PANX2: variants seen among roughly 807,000 people sequenced by gnomAD.
The protein encoded by PANX2 is pannexin-2.
Under a neutral mutation model 38.7 loss-of-function variants are expected in PANX2, and 30 were observed. The ratio of observed to expected loss-of-function variants is 0.78; its 90% CI spans 0.58 to 1.05. The LOEUF (loss-of-function observed/expected upper bound fraction) is 1.05. Among genes scored for constraint, PANX2 ranks in the 50% least tolerant of loss-of-function variants. The probability of loss-of-function intolerance (pLI) is 0.00; values close to 1 mark genes in which losing one functional copy is unlikely to be tolerated. For synonymous variants in PANX2, 539 were observed against 472.1 expected (o/e 1.14, Z -1.84); for missense variants, 880 against 979.3 (o/e 0.90, Z 1.35).
chr22:50,177,546 C>G lies in PANX2; in HGVS notation c.834C>G (p.Ser278Arg), dbSNP rs750208004. The G allele has an allele frequency of 6.2e-7, 1 of 1,611,766 alleles. No homozygotes were observed. The change falls in exon 2 of 3, where the codon AGC becomes AGG. Residue 278 changes from serine to arginine, a missense_variant. By Grantham distance (110) the Ser-to-Arg change is moderately radical. This residue lies in a region of PANX2 where 114 missense variants were observed against 108.8 expected (regional missense o/e 1.05). Coordinates refer to ENST00000395842, the MANE Select transcript of PANX2 (RefSeq NM_052839.4). ...GTGCGGGGCCCGCGGTGCGCGTGAG[C>G]TGCAAGCTCCCGTCCGTGCAACTGC... ...AAGAGPAVRV[S>R]CKLPSVQLQR...
chr22:50,176,895 C>G, intron 1 of PANX2, 44 bp from the exon 2 acceptor site: 1 of 1,477,446 alleles, frequency 6.8e-7, no homozygotes, highest in South Asian at 1.4e-5. Context: ...CAGCCCAGCC[C>G]GTGCGCCTCC....
chr22:50,177,798 C>A lies in PANX2; in HGVS notation c.1086C>A (p.Asn362Lys). ...ACCGCGACCACATCAAGTCGCTCAA[C>A]CGGCTGGACTTCATCACCAACGAGA... ...NENRDHIKSL[N>K]RLDFITNESD... Residue 362 changes from asparagine (N) to lysine (K), a missense_variant, in exon 2 of 3, where the codon AAC becomes AAA. Around this residue, in one of 4 missense-constraint regions of PANX2, gnomAD observed 78 missense variants for 133.1 expected, o/e 0.59. Transcript: ENST00000395842. 4 of 1,603,578 alleles carry A rather than the reference C, an allele frequency of 2.5e-6. No individual in the cohort carries two copies. Among genetic ancestry groups the A allele is most frequent in the Non-Finnish European group, 3.4e-6 (4 of 1,179,762 alleles).
chr22:50,179,723 A>G lies in PANX2; in HGVS notation c.*446A>G. On this transcript the variant is annotated 3_prime_UTR_variant, in exon 3 of 3. Transcript: ENST00000395842. ...GGCCAGTCCCACCAGTGGGGTGGCC[A>G]CGCCCATGGGGTCACATGCTCAGGG... 1 of 176,864 alleles carries G rather than the reference A, an allele frequency of 5.7e-6. No individual in the cohort carries two copies. The highest frequency in any genetic ancestry group is 1.2e-5 in the Non-Finnish European group (1 of 82,478). The allele number at this position is 176,864 out of a possible 1,614,324, so 11.0% of individuals were successfully genotyped here.
At chr22:50,171,592 C>G (rs2063632243) in intron 1 of PANX2, among the ~76,000 whole-genome samples, 1 of 152,130 alleles carries the variant, frequency 6.6e-6, no homozygotes, top group African/African-American at 2.4e-5. Flanking sequence ...GGGCAGGGAC[C>G]CGCGCTGGTT....
intron 1 of PANX2, among the ~76,000 whole-genome samples, chr22:50,172,162 C>G (rs962415691): frequency 6.6e-6 from 1 of 152,212 alleles, no homozygotes; most frequent in Non-Finnish European, 1.5e-5. Context: ...TGTCCAGACA[C>G]CACGTGTGTT....
intron 1 of PANX2, among the ~76,000 whole-genome samples, chr22:50,172,696 T>G (rs549643000): frequency 6.6e-6 from 1 of 151,714 alleles, no homozygotes; most frequent in African/African-American, 2.4e-5. Flanking sequence ...TGAGCCACTG[T>G]GCCCTTTTCT....
In PANX2 at chr22:50,177,564, G is replaced by A. The variant is rs770404153; in HGVS notation, c.852G>A (p.Val284=). ...GCGTGAGCTGCAAGCTCCCGTCCGT[G>A]CAACTGCAGCGCATCATCGCGGGCG... ...AVRVSCKLPS[V]QLQRIIAGVD... is the part of the protein sequence containing the mutation. Residue 284 remains valine, a synonymous_variant, in exon 2 of 3, where the codon GTG becomes GTA. Coordinates refer to ENST00000395842, the MANE Select transcript of PANX2 (RefSeq NM_052839.4). 4 of 1,612,460 alleles carry A rather than the reference G, an allele frequency of 2.5e-6. No individual in the cohort carries two copies. The Admixed American group carries it at 5.0e-5, about 20-fold the overall frequency.
chr22:50,175,760 C>T lies in PANX2; in HGVS notation c.227-1179C>T, dbSNP rs138833960. 8.4e-3 allele frequency among the ~76,000 whole-genome samples: 1,278 copies of T among 152,306 alleles called. 19 individuals carry two copies. Among genetic ancestry groups the T allele is most frequent in the South Asian group, 0.036 (174 of 4,818 alleles). On this transcript the variant is annotated intron_variant, in intron 1 of 2. Coordinates refer to ENST00000395842, the MANE Select transcript of PANX2 (RefSeq NM_052839.4). ...TGGTGATGATGGCAGCCGGGAGCTC[C>T]GTGTGGGGTCTGAGGGGCTCGTTGC...
intron 1 of PANX2, among the ~76,000 whole-genome samples, chr22:50,174,244 C>G (rs1021736383): frequency 6.6e-6 from 1 of 151,426 alleles, no homozygotes; most frequent in Admixed American, 6.6e-5. Context: ...AGGGACCCAG[C>G]TTCACCCTTG....
In PANX2 at chr22:50,177,981, C is replaced by G; in HGVS notation, c.1269C>G (p.Val423=). 3.3e-6 allele frequency: 5 copies of G among 1,536,498 alleles called. No homozygotes were observed. The highest frequency in any genetic ancestry group is 3.5e-6 in the Non-Finnish European group (4 of 1,145,808). Residue 423 remains valine (V), a synonymous_variant, in exon 2 of 3, where the codon GTC becomes GTG. Transcript: ENST00000395842. ...EPDGAAEPPV[V]KRPRKKMKWI... ...ACGGCGCCGCCGAGCCGCCCGTGGT[C>G]AAGCGGCCGCGCAAGAAGATGAAGT...
Position 50,176,948 on chromosome 22 carries a change from T to C in PANX2, c.236T>C (p.Ile79Thr), listed in dbSNP as rs778109852. 6.5e-7 allele frequency: 1 copy of C among 1,532,136 alleles called. No homozygotes were observed. The highest frequency in any genetic ancestry group is 1.3e-5 in the South Asian group (1 of 79,950). The allele number at this position is 1,532,136 out of a possible 1,614,324, so 94.9% of individuals were successfully genotyped here. Residue 79 changes from isoleucine (I) to threonine (T), a missense_variant, in exon 2 of 3, where the codon ATT (isoleucine) becomes ACT (threonine). By Grantham distance (89) the Ile-to-Thr change is moderately conservative. Around this residue, in one of 4 missense-constraint regions of PANX2, gnomAD observed 243 missense variants for 333.1 expected, o/e 0.73. Transcript: ENST00000395842. Reference sequence around the variant, plus strand: ...TCCTCTTTGCCCCCAGAGGAACCCATTTACTGTTACACCCCGCACAACTTC... The same window carrying C: ...TCCTCTTTGCCCCCAGAGGAACCCACTTACTGTTACACCCCGCACAACTTC... ...VFTKNFAEEP[I>T]YCYTPHNFTR... is the part of the protein sequence containing the mutation.
rs370955451 is a variant in PANX2, at chr22:50,173,046, G to A, written c.226+2090G>A. 2.2e-3 allele frequency among the ~76,000 whole-genome samples: 332 copies of A among 152,236 alleles called. 3 individuals are homozygous for A. Among genetic ancestry groups the A allele is most frequent in the East Asian group, 3.9e-3 (20 of 5,166 alleles). On this transcript the variant is annotated intron_variant, in intron 1 of 2. Transcript: ENST00000395842. ...CAAGTAGCTGGGACTACAGGCGCCC[G>A]CCACCATGCCCGGCTAATTTTTTGT... is the stretch of plus-strand genomic sequence containing the variant.
At chr22:50,171,029 C>A in intron 1 of PANX2, 73 bp downstream of exon 1, 1 of 780,374 alleles carries the variant, frequency 1.3e-6, no homozygotes. Context: ...TGGCGCTTCC[C>A]GCGTCCCCGG....
Position 50,177,196 on chromosome 22 carries a change from G to T in PANX2, c.484G>T (p.Asp162Tyr). 2 of 1,610,608 alleles carry T rather than the reference G, an allele frequency of 1.2e-6. No individual in the cohort carries two copies. Among genetic ancestry groups the T allele is most frequent in the Non-Finnish European group, 1.7e-6 (2 of 1,178,898 alleles). The change falls in exon 2 of 3, where the codon GAC becomes TAC. Residue 162 changes from aspartate to tyrosine, a missense_variant. Physicochemically the swap from Asp to Tyr is radical, Grantham distance 160. Around this residue, in one of 4 missense-constraint regions of PANX2, gnomAD observed 243 missense variants for 333.1 expected, o/e 0.73. Transcript: ENST00000395842. Reference sequence around the variant, plus strand: ...GCTCAACTTCCTGCTGCAGGAGATCGACAACTGTTACCACCGGGCGGCCGA... The same window carrying T: ...GCTCAACTTCCTGCTGCAGGAGATCTACAACTGTTACCACCGGGCGGCCGA... ...SELNFLLQEIDNCYHRAAEGR... is the reference protein window; with the variant it reads ...SELNFLLQEIYNCYHRAAEGR...
Position 50,177,999 on chromosome 22 carries a change from G to A in PANX2, c.1287G>A (p.Lys429=), listed in dbSNP as rs1178465114. The change falls in exon 2 of 3, where the codon AAG becomes AAA. Residue 429 remains lysine (K), a synonymous_variant. Coordinates refer to ENST00000395842, the MANE Select transcript of PANX2 (RefSeq NM_052839.4). ...CCGTGGTCAAGCGGCCGCGCAAGAA[G>A]ATGAAGTGGATCCCCACCAGCAACC... ...EPPVVKRPRK[K]MKWIPTSNPL... is the part of the protein sequence containing the mutation. 10 of 1,541,846 alleles carry A rather than the reference G, an allele frequency of 6.5e-6. No homozygotes were observed. Among genetic ancestry groups the A allele is most frequent in the African/African-American group, 2.7e-5 (2 of 72,830 alleles).
chr22:50,171,828 C>T (rs930369958), intron 1 of PANX2, among the ~76,000 whole-genome samples: 5 of 151,988 alleles, frequency 3.3e-5, no homozygotes, highest in Non-Finnish European at 7.4e-5. Flanking sequence ...TACTAGTCTG[C>T]AGCGGGGAGG....
At position 50,170,968 on chromosome 22, in the gene PANX2, G is replaced by T. The variant is rs1267838665; in HGVS notation, c.226+12G>T. On this transcript the variant is annotated intron_variant, in intron 1 of 2. Coordinates refer to ENST00000395842, the MANE Select transcript of PANX2 (RefSeq NM_052839.4). ...CAAGAACTTCGCAGGTGAGGCCGGC[G>T]GCCGGGGCGCGGGGCGCGGGCAGAG... The T allele has an allele frequency of 6.9e-7, 1 of 1,457,750 alleles. No homozygotes were observed. Among genetic ancestry groups the T allele is most frequent in the Non-Finnish European group, 9.2e-7 (1 of 1,092,744 alleles). The allele number at this position is 1,457,750 out of a possible 1,614,324, so 90.3% of individuals were successfully genotyped here. A position where few individuals can be genotyped will look rare whatever the true frequency, so the allele number is the denominator to read the frequency against.
chr22:50,171,845 G>A (rs1045279749), intron 1 of PANX2, among the ~76,000 whole-genome samples: 1 of 149,150 alleles, frequency 6.7e-6, no homozygotes, highest in Non-Finnish European at 1.5e-5. Flanking sequence ...GAGGGGTGTT[G>A]GGACCCTGGG....
rs922497522 is a variant in PANX2 at position 50,178,407 on chromosome 22, G to A, written c.1690+5G>A. ...TGGCCCCGGCGCCCATCAAAGGTAG[G>A]GGCAGGGCCGGAGAGAGGGGACGGG... On this transcript the variant is annotated splice_donor_5th_base_variant and intron_variant, in intron 2 of 2. Transcript: ENST00000395842. 17 of 1,402,804 alleles carry A rather than the reference G, an allele frequency of 1.2e-5. No homozygotes were observed. The highest frequency in any genetic ancestry group is 1.6e-5 in the Non-Finnish European group (17 of 1,084,254). The allele number at this position is 1,402,804 out of a possible 1,614,324, so 86.9% of individuals were successfully genotyped here.
Sources: allele counts gnomAD v4.1 joint callset (sites outside exome capture counted in the v4.1 genomes callset), GRCh38; gene constraint gnomAD v4.1.1; regional missense constraint gnomAD v4.1.1; transcripts MANE v1.5; gene names NCBI Gene and HGNC (gene_info 2026-07-23, HGNC 2026-07-21).